Variants in BBS7 observed in about 807,000 individuals in gnomAD.
BBS7 encodes Bardet-Biedl syndrome 7.
Under a neutral mutation model 90.3 loss-of-function variants are expected in BBS7, and 50 were observed. That is an observed-to-expected ratio of 0.55 (90% CI 0.44 to 0.70). BBS7 has a LOEUF of 0.70. Ranked by LOEUF, BBS7 falls within the 30% of genes least tolerant of loss-of-function variation. The probability of loss-of-function intolerance (pLI) is 0.00; values close to 1 mark genes in which losing one functional copy is unlikely to be tolerated. For missense variants in BBS7, 729 were observed against 838.9 expected, an observed-to-expected ratio of 0.87 and a Z score of 1.62; for synonymous variants, 235 against 287.4, an observed-to-expected ratio of 0.82 and a Z score of 1.85.
intron 13 of BBS7, among the ~76,000 whole-genome samples, chr4:121,835,750 A>AT (rs1243853579): frequency 1.3e-5 from 2 of 152,108 alleles, no homozygotes; most frequent in South Asian, 2.1e-4. Flanking sequence ...ATTGGCAGAG[A>AT]TTTTTTTCCA....
chr4:121,839,756 G>A (rs1161357173), intron 12 of BBS7, 60 bp from the exon 13 acceptor site: 2 of 1,379,474 alleles, frequency 1.4e-6, no homozygotes, highest in Non-Finnish European at 2.1e-6. Context: ...ACAAAAAAAA[G>A]ACATCAATAA....
intron 9 of BBS7, among the ~76,000 whole-genome samples, chr4:121,848,377 C>A (rs1337802679): frequency 1.3e-5 from 2 of 152,124 alleles, no homozygotes; most frequent in African/African-American, 4.8e-5. Context: ...GTGAATCATC[C>A]CTTTGTCCAA....
At chr4:121,843,722 A>C (rs1488275541) in intron 12 of BBS7, among the ~76,000 whole-genome samples, 1 of 152,222 alleles carries the variant, frequency 6.6e-6, no homozygotes, top group Non-Finnish European at 1.5e-5. Context: ...TCAACCTGTA[A>C]CAGATCACAG....
At chr4:121,846,011 A>C (rs1354199377) in intron 10 of BBS7, among the ~76,000 whole-genome samples, 2 of 152,236 alleles carry the variant, frequency 1.3e-5, no homozygotes. Flanking sequence ...TAAAGTACTA[A>C]TCAGAAGAGA....
chr4:121,861,252 T>C, intron 4 of BBS7: 1 of 324,984 alleles, frequency 3.1e-6, no homozygotes, highest in Non-Finnish European at 5.6e-6. Flanking sequence ...ATTTTTTTGA[T>C]ACCTTGATCA....
intron 12 of BBS7, among the ~76,000 whole-genome samples, chr4:121,842,781 A>G (rs1560649565): frequency 6.6e-6 from 1 of 152,176 alleles, no homozygotes; most frequent in African/African-American, 2.4e-5. Flanking sequence ...TGCCTTCTAC[A>G]ATGCAATTAA....
In BBS7 at chr4:121,852,985, C is replaced by T; in HGVS notation, c.820G>A (p.Ala274Thr). ...GMVEVYSFDN[A>T]NEPVLRFDQM... Reference sequence around the variant, plus strand: ...TCAAATCGTAGAACAGGTTCATTTGCATTATCAAAACTATACACTTCCACC... The same window carrying T: ...TCAAATCGTAGAACAGGTTCATTTGTATTATCAAAACTATACACTTCCACC... Residue 274 changes from alanine to threonine, a missense_variant, in exon 8 of 19, where the codon GCA becomes ACA. Physicochemically the swap from Ala to Thr is moderately conservative, Grantham distance 58. Coordinates refer to ENST00000264499, the MANE Select transcript of BBS7 (RefSeq NM_176824.3). The T allele has an allele frequency of 6.2e-7, 1 of 1,613,724 alleles. No individual in the cohort carries two copies. The highest frequency in any genetic ancestry group is 1.1e-5 in the South Asian group (1 of 91,066).
chr4:121,861,058 A>G (rs1324559982), intron 4 of BBS7, among the ~76,000 whole-genome samples: 2 of 152,144 alleles, frequency 1.3e-5, no homozygotes, highest in African/African-American at 4.8e-5. Flanking sequence ...AAAATCTCAC[A>G]TATCAGGCAG....
chr4:121,839,481 T>C (rs546824519), intron 13 of BBS7, 150 bp downstream of exon 13: 2 of 676,832 alleles, frequency 3.0e-6, no homozygotes, highest in Non-Finnish European at 5.3e-6. Context: ...CTAAATTACA[T>C]CCTAACTGGT....
chr4:121,849,750 G>A (rs908104072), intron 8 of BBS7, among the ~76,000 whole-genome samples: 1 of 152,018 alleles, frequency 6.6e-6, no homozygotes, highest in African/African-American at 2.4e-5. Flanking sequence ...GAATCACTTC[G>A]ACCCGGAAGG....
intron 7 of BBS7, 125 bp from the exon 8 acceptor site, chr4:121,853,211 A>C: frequency 6.8e-6 from 6 of 886,936 alleles, no homozygotes; most frequent in Non-Finnish European, 1.1e-5. Context: ...CTTTGACCAA[A>C]ATCAAGTGCT....
chr4:121,853,956 A>G (rs1331025538), intron 7 of BBS7, among the ~76,000 whole-genome samples: 2 of 152,146 alleles, frequency 1.3e-5, no homozygotes, highest in African/African-American at 4.8e-5. Context: ...CCTCCACCTC[A>G]AATCTTTCAC....
At chr4:121,831,373 A>G (rs1009080552) in intron 15 of BBS7, among the ~76,000 whole-genome samples, 1 of 151,170 alleles carries the variant, frequency 6.6e-6, no homozygotes, top group Admixed American at 6.6e-5. Flanking sequence ...GCTTGCACCT[A>G]TAATCCCAGC....
intron 13 of BBS7, among the ~76,000 whole-genome samples, chr4:121,837,830 C>T (rs921820717): frequency 2.0e-5 from 3 of 152,054 alleles, no homozygotes; most frequent in Admixed American, 2.0e-4. Flanking sequence ...GACGGTTGGG[C>T]GTGGTGGCTC....
At chr4:121,842,537 A>C (rs928130948) in intron 12 of BBS7, among the ~76,000 whole-genome samples, 3 of 151,152 alleles carry the variant, frequency 2.0e-5, no homozygotes. Flanking sequence ...TGGAAGGCTG[A>C]GGTGGGAGGA....
chr4:121,833,391 T>A lies in BBS7; in HGVS notation c.1516A>T (p.Met506Leu). Residue 506 changes from methionine to leucine, a missense_variant, in exon 15 of 19, where the codon ATG (methionine) becomes TTG (leucine). Transcript: ENST00000264499. ...TGGCCTGTTAGGGTCAGTGTATTCATGGGTCTGTAATATAATAGTAGAGGC... is the reference window on the plus strand; with the variant it reads ...TGGCCTGTTAGGGTCAGTGTATTCAAGGGTCTGTAATATAATAGTAGAGGC... ...RTHFIDHDRP[M>L]NTLTLTGQFS... 4.3e-6 allele frequency: 7 copies of A among 1,613,948 alleles called. No individual in the cohort carries two copies. Among genetic ancestry groups the A allele is most frequent in the Non-Finnish European group, 5.9e-6 (7 of 1,179,864 alleles).
At chr4:121,847,580 CAGA>C (rs1361271463) in intron 9 of BBS7, 74 bp from the exon 10 acceptor site, 9 of 1,046,340 alleles carry the variant, frequency 8.6e-6, no homozygotes, top group Non-Finnish European at 1.3e-5. Flanking sequence ...CATTGTATAG[CAGA>C]AACTCCAATG....
rs370716101 is a variant in BBS7 at position 121,847,404 on chromosome 4, C to T, written c.1037G>A (p.Arg346Gln). 8.7e-6 allele frequency: 14 copies of T among 1,603,744 alleles called. No homozygotes were observed. The highest frequency in any genetic ancestry group is 6.7e-5 in the African/African-American group (5 of 74,638). The change falls in exon 10 of 19, where the codon CGG (arginine) becomes CAG (glutamine). Residue 346 changes from arginine (R) to glutamine (Q), a missense_variant and splice_region_variant. Arg to Gln is a conservative substitution (Grantham distance 43). Coordinates refer to ENST00000264499, the MANE Select transcript of BBS7 (RefSeq NM_176824.3). ...AAGCAAATAAAAAACTCAAAGTTAC[C>T]GTAAGGAAGAAATTTTATTCTGCAT... is the stretch of plus-strand genomic sequence containing the variant. Reference protein sequence around the residue: ...QEMQNKISSLRNELEHLQYKV... With the variant: ...QEMQNKISSLQNELEHLQYKV...
Position 121,828,506 on chromosome 4 carries a change from C to T in BBS7, c.1787-1G>A, listed in dbSNP as rs1321972431. On this transcript the variant is annotated splice_acceptor_variant, in intron 16 of 18. Transcript: ENST00000264499. LOFTEE classifies it high-confidence loss of function. ...TGTTTGACTGATACTTCATTTATCT[C>T]TAGAAGGAGTTGACCAGATGCAGTT... 1 of 1,611,272 alleles carries T rather than the reference C, an allele frequency of 6.2e-7. No individual in the cohort carries two copies. The highest frequency in any genetic ancestry group is 2.2e-5 in the East Asian group (1 of 44,792).
Sources: allele counts gnomAD v4.1 joint callset (sites outside exome capture counted in the v4.1 genomes callset), GRCh38; gene constraint gnomAD v4.1.1; transcripts MANE v1.5; gene names NCBI Gene and HGNC (gene_info 2026-07-23, HGNC 2026-07-21).